The following TENM1 variants were observed in gnomAD, a reference collection of about 807,000 sequenced individuals.
TENM1 encodes teneurin transmembrane protein 1, also known as teneurin-1.
Under a neutral mutation model 174.8 loss-of-function variants are expected in TENM1, and 35 were observed. The observed-to-expected ratio is 0.20, with a 90% confidence interval of 0.15 to 0.27. The LOEUF is 0.27. Ranked by LOEUF, TENM1 falls within the 10% of genes least tolerant of loss-of-function variation. The pLI is 1.00. For missense variants in TENM1, 1,633 were observed against 2,130.1 expected, an observed-to-expected ratio of 0.77 and a Z score of 4.59; for synonymous variants, 781 against 798.7, an observed-to-expected ratio of 0.98 and a Z score of 0.37.
At chrX:124,428,540 T>C (rs1225327776) in intron 23 of TENM1, among the ~76,000 whole-genome samples, 2 of 111,944 alleles carry the variant, frequency 1.8e-5, no homozygotes, top group African/African-American at 3.2e-5. Flanking sequence ...CTTATTAGTA[T>C]GTAACCCTTG....
intron 3 of TENM1, among the ~76,000 whole-genome samples, chrX:124,879,156 T>C (rs998468867): frequency 8.9e-6 from 1 of 112,043 alleles, no homozygotes; most frequent in African/African-American, 3.2e-5. Flanking sequence ...TCCAGGTATT[T>C]TGAAATATAC....
chrX:124,646,992 T>G lies in TENM1; in HGVS notation c.1580-182A>C, dbSNP rs6608209. 7.2e-3 allele frequency among the ~76,000 whole-genome samples: 795 copies of G among 110,884 alleles called. 10 individuals are homozygous for G. The highest frequency in any genetic ancestry group is 0.024 in the African/African-American group (735 of 30,522). On this transcript the variant is annotated intron_variant, in intron 8 of 31. Transcript: ENST00000422452. The stretch of plus-strand genomic sequence containing the variant: ...GTAAGATGTCACATGCAGTACAAAA[T>G]TATAAAAAGGGCCCTGGGTTTGCTG...
intron 3 of TENM1, among the ~76,000 whole-genome samples, chrX:124,794,621 T>C (rs887262941): frequency 2.7e-5 from 3 of 110,861 alleles, no homozygotes; most frequent in Admixed American, 1.9e-4. Context: ...CCCGCCAACC[T>C]ATTTACTGTA....
At position 124,951,673 on chromosome X, in the gene TENM1, T is replaced by TATATATATATATATATAA. The variant is rs767583231; in HGVS notation, c.217+11863_217+11864insTTATATATATATATATAT. On this transcript the variant is annotated intron_variant, in intron 1 of 31. Coordinates refer to ENST00000422452, the Ensembl canonical transcript of TENM1. ...ATATATATATATATATATATATATATAACAATCAATGTGACAAATAGGGAA... is the reference window on the plus strand; with the variant it reads ...ATATATATATATATATATATATATATATATATATATATATATAAAACAATCAATGTGACAAATAGGGAA... Among the ~76,000 whole-genome samples the TATATATATATATATATAA allele has an allele frequency of 3.0e-3, 195 of 66,016 alleles. 2 individuals carry two copies. The highest frequency in any genetic ancestry group is 5.0e-3 in the African/African-American group (90 of 17,895). 57.3% of individuals were successfully genotyped at this position (66,016 alleles called of 115,157 possible).
chrX:124,999,037 T>C, the TENM1 span, among the ~76,000 whole-genome samples: 1 of 111,062 alleles, frequency 9.0e-6, no homozygotes, highest in Non-Finnish European at 1.9e-5. Flanking sequence ...TCCGGATAAA[T>C]TCATTTGGGA....
the TENM1 span, among the ~76,000 whole-genome samples, chrX:125,096,249 CA>C: frequency 1.8e-5 from 2 of 111,760 alleles, no homozygotes; most frequent in East Asian, 5.7e-4. Flanking sequence ...TACTTAAGAC[CA>C]AAAAGTCAAG....
At chrX:124,779,070 A>G (rs889626877) in intron 3 of TENM1, among the ~76,000 whole-genome samples, 2 of 111,701 alleles carry the variant, frequency 1.8e-5, no homozygotes, top group Non-Finnish European at 3.8e-5. Flanking sequence ...ATGAAAATCA[A>G]CAGACTTATT....
At chrX:124,924,581 C>T (rs190350380) in intron 1 of TENM1, among the ~76,000 whole-genome samples, 2 of 111,547 alleles carry the variant, frequency 1.8e-5, no homozygotes, top group African/African-American at 6.5e-5. Flanking sequence ...ACCTGCTCTG[C>T]GTTACCTGTT....
At chrX:125,195,448 C>T in the TENM1 span, among the ~76,000 whole-genome samples, 5 of 111,967 alleles carry the variant, frequency 4.5e-5, no homozygotes, top group African/African-American at 1.6e-4. Flanking sequence ...AAATACTTCC[C>T]TTGCACTGAA....
At chrX:124,916,136 A>AAC (rs202040726) in intron 1 of TENM1, among the ~76,000 whole-genome samples, 3,475 of 111,605 alleles carry the variant, frequency 0.031, 64 homozygotes, top group Admixed American at 0.053. Context: ...TTTGAAAAAA[A>AAC]ACCATTGTTT....
chrX:124,484,995 T>C (rs2046923481), intron 21 of TENM1, among the ~76,000 whole-genome samples: 1 of 111,322 alleles, frequency 9.0e-6, no homozygotes, highest in South Asian at 3.8e-4. Flanking sequence ...GATATAAAAC[T>C]AAGACATAAA....
chrX:124,647,730 G>GGTGTGTGTGTGT (rs113751818), intron 8 of TENM1, among the ~76,000 whole-genome samples: 7 of 103,894 alleles, frequency 6.7e-5, no homozygotes, highest in South Asian at 4.2e-4. Context: ...TTTTTTTTGT[G>GGTGTGTGTGTGT]GTGTGTGTGT....
chrX:124,535,339 G>T (rs2048184083), intron 15 of TENM1, among the ~76,000 whole-genome samples: 1 of 111,326 alleles, frequency 9.0e-6, no homozygotes. Context: ...ACCATAAAAA[G>T]GCAGGCAAAT....
At chrX:124,832,117 T>A (rs1015461065) in intron 3 of TENM1, among the ~76,000 whole-genome samples, 6 of 111,887 alleles carry the variant, frequency 5.4e-5, no homozygotes, top group Non-Finnish European at 7.5e-5. Flanking sequence ...TATTTATTTA[T>A]TTATCCCTCC....
chrX:124,998,090 GA>G, the TENM1 span, among the ~76,000 whole-genome samples: 7,366 of 48,621 alleles, frequency 0.15, 603 homozygotes, highest in African/African-American at 0.34. Context: ...TCATTTTAGA[GA>G]AAAAAAAAAA....
intron 11 of TENM1, among the ~76,000 whole-genome samples, chrX:124,631,947 C>T (rs1282713725): frequency 4.4e-5 from 4 of 91,397 alleles, no homozygotes; most frequent in African/African-American, 1.6e-4. Context: ...CAGTCTTGCT[C>T]TGTCACCCAG....
At chrX:124,977,800 C>A in the TENM1 span, among the ~76,000 whole-genome samples, 3 of 110,473 alleles carry the variant, frequency 2.7e-5, no homozygotes, top group Admixed American at 2.9e-4. Flanking sequence ...ATCAGTATTT[C>A]ATGTCCTTTT....
chrX:125,052,759 A>T, the TENM1 span, among the ~76,000 whole-genome samples: 2 of 112,679 alleles, frequency 1.8e-5, no homozygotes, highest in Non-Finnish European at 3.8e-5. Context: ...TCTGTCCAAC[A>T]GCACTGAGTG....
At chrX:125,007,589 T>A in the TENM1 span, among the ~76,000 whole-genome samples, 1 of 110,984 alleles carries the variant, frequency 9.0e-6, no homozygotes, top group Non-Finnish European at 1.9e-5. Flanking sequence ...TCTTCAGATT[T>A]TCCAAGGTTG....
Sources: allele counts gnomAD v4.1 joint callset (sites outside exome capture counted in the v4.1 genomes callset), GRCh38; gene constraint gnomAD v4.1.1; transcripts MANE v1.5; gene names NCBI Gene and HGNC (gene_info 2026-07-23, HGNC 2026-07-21).